Variants in MAGI2 observed in about 807,000 individuals in gnomAD.
MAGI2 encodes the protein membrane associated guanylate kinase, WW and PDZ domain containing 2.
Under a neutral mutation model 133.3 loss-of-function variants are expected in MAGI2, and 35 were observed. The observed-to-expected ratio is 0.26, with a 90% CI of 0.20 to 0.35. The LOEUF is 0.35. Ranked by LOEUF, MAGI2 falls within the 10% of genes least tolerant of loss-of-function variation. MAGI2 has a pLI of 1.00. For synonymous variants in MAGI2, 729 were observed against 710.6 expected, an observed-to-expected ratio of 1.03 and a Z score of -0.41; for missense variants, 1,636 against 1,863.4, an observed-to-expected ratio of 0.88 and a Z score of 2.25.
intron 20 of MAGI2, among the ~76,000 whole-genome samples, chr7:78,089,392 A>G (rs906504169): frequency 1.3e-5 from 2 of 152,204 alleles, no homozygotes; most frequent in Non-Finnish European, 2.9e-5. Flanking sequence ...GGTAGAATAA[A>G]GGAAGAACAA....
chr7:79,199,697 C>A (rs1828418736), intron 1 of MAGI2, among the ~76,000 whole-genome samples: 1 of 152,022 alleles, frequency 6.6e-6, no homozygotes, highest in African/African-American at 2.4e-5. Flanking sequence ...TCAGTGAAAT[C>A]TCTGAATATC....
intron 21 of MAGI2, among the ~76,000 whole-genome samples, chr7:78,066,287 C>T (rs112895106): frequency 0.15 from 22,789 of 151,884 alleles, 1,957 homozygotes; most frequent in Middle Eastern, 0.2. Flanking sequence ...CATGGTGAAA[C>T]GCCATCTCTG....
rs553868489 is a variant in MAGI2 at position 78,563,685 on chromosome 7, T to C, written c.539-42040A>G. On this transcript the variant is annotated intron_variant, in intron 3 of 21. Transcript: ENST00000354212. ...TTCTGTTGGTAGAAGTAGTTGGTGC[T>C]GCTTCAAAGACAAAATGCCCATGTG... 2.6e-5 allele frequency among the ~76,000 whole-genome samples: 4 copies of C among 152,370 alleles called. No homozygotes were observed. In the East Asian group the frequency reaches 5.8e-4, roughly 22 times the overall value.
chr7:78,464,426 C>T (rs546831900), intron 6 of MAGI2, among the ~76,000 whole-genome samples: 1 of 152,242 alleles, frequency 6.6e-6, no homozygotes, highest in African/African-American at 2.4e-5. Context: ...TTTTGCTTGT[C>T]TGGCTTTTGT....
chr7:79,389,730 C>T (rs1425699887), intron 1 of MAGI2, among the ~76,000 whole-genome samples: 1 of 149,114 alleles, frequency 6.7e-6, no homozygotes, highest in African/African-American at 2.6e-5. Context: ...AAAAGGAATC[C>T]TAGTGTATAT....
At chr7:78,440,014 G>T (rs1787441784) in intron 6 of MAGI2, among the ~76,000 whole-genome samples, 1 of 151,316 alleles carries the variant, frequency 6.6e-6, no homozygotes, top group South Asian at 2.1e-4. Flanking sequence ...TTTTTTACTA[G>T]AAAATTTAAA....
At chr7:78,219,517 G>A (rs917981125) in intron 10 of MAGI2, among the ~76,000 whole-genome samples, 9 of 151,986 alleles carry the variant, frequency 5.9e-5, no homozygotes, top group East Asian at 3.9e-4. Context: ...AGGGCCTCTC[G>A]TACTACTGAA....
chr7:78,096,624 C>G (rs1296995152), intron 20 of MAGI2, among the ~76,000 whole-genome samples: 2 of 152,074 alleles, frequency 1.3e-5, no homozygotes, highest in Non-Finnish European at 2.9e-5. Flanking sequence ...AAATCCAGCC[C>G]AGTGCTTGTT....
chr7:78,259,290 G>C (rs1016772246), intron 9 of MAGI2, among the ~76,000 whole-genome samples: 2 of 152,190 alleles, frequency 1.3e-5, no homozygotes, highest in Middle Eastern at 6.8e-3. Flanking sequence ...GTATAGTAGA[G>C]ATCACATGGG....
intron 9 of MAGI2, among the ~76,000 whole-genome samples, chr7:78,294,759 T>C (rs910595921): frequency 6.6e-6 from 1 of 152,160 alleles, no homozygotes; most frequent in African/African-American, 2.4e-5. Flanking sequence ...CTAAGTACGA[T>C]GATGGCCACA....
intron 20 of MAGI2, among the ~76,000 whole-genome samples, chr7:78,124,030 A>C (rs1367063380): frequency 5.3e-5 from 8 of 152,240 alleles, no homozygotes; most frequent in African/African-American, 1.9e-4. Context: ...TATATCCAGC[A>C]GCGAGTCATT....
intron 3 of MAGI2, among the ~76,000 whole-genome samples, chr7:78,589,843 C>A (rs537443333): frequency 6.4e-4 from 98 of 152,212 alleles, no homozygotes; most frequent in Non-Finnish European, 1.2e-3. Context: ...TAAAACTGAG[C>A]AGTTACTTCA....
intron 9 of MAGI2, among the ~76,000 whole-genome samples, chr7:78,267,319 G>A (rs1794116865): frequency 6.6e-6 from 1 of 152,172 alleles, no homozygotes; most frequent in South Asian, 2.1e-4. Context: ...AAGAACAAAT[G>A]TGCCATGCTA....
At chr7:78,898,238 G>A (rs1471398473) in intron 2 of MAGI2, among the ~76,000 whole-genome samples, 2 of 152,138 alleles carry the variant, frequency 1.3e-5, no homozygotes, top group South Asian at 4.1e-4. Context: ...CTGTTTGCAG[G>A]AGTATAAATT....
At chr7:78,450,064 A>G (rs1051713974) in intron 6 of MAGI2, among the ~76,000 whole-genome samples, 1 of 152,018 alleles carries the variant, frequency 6.6e-6, no homozygotes, top group Non-Finnish European at 1.5e-5. Flanking sequence ...AAGTCAATGG[A>G]ATTTTTTTTT....
At chr7:78,087,861 G>A (rs529004536) in intron 20 of MAGI2, among the ~76,000 whole-genome samples, 1 of 152,298 alleles carries the variant, frequency 6.6e-6, no homozygotes, top group East Asian at 1.9e-4. Context: ...AAGCTGGTTG[G>A]AGCAAAACAT....
chr7:78,248,261 T>C (rs1792007586), intron 10 of MAGI2, among the ~76,000 whole-genome samples: 1 of 151,742 alleles, frequency 6.6e-6, no homozygotes, highest in South Asian at 2.1e-4. Context: ...CTTAAGGGAG[T>C]TCTTCAAGTA....
At chr7:78,027,260 C>T (rs1274950216) in intron 21 of MAGI2, among the ~76,000 whole-genome samples, 1 of 152,196 alleles carries the variant, frequency 6.6e-6, no homozygotes, top group Non-Finnish European at 1.5e-5. Context: ...AATGGAGACT[C>T]TCAAACGCCA....
intron 3 of MAGI2, among the ~76,000 whole-genome samples, chr7:78,534,901 G>A (rs1190817069): frequency 1.3e-5 from 2 of 152,178 alleles, no homozygotes; most frequent in East Asian, 3.9e-4. Flanking sequence ...TTGGGAGGCT[G>A]AGGCAGGTGG....
Sources: allele counts gnomAD v4.1 joint callset (sites outside exome capture counted in the v4.1 genomes callset), GRCh38; gene constraint gnomAD v4.1.1; transcripts MANE v1.5; gene names NCBI Gene and HGNC (gene_info 2026-07-23, HGNC 2026-07-21).